Variants in GGA3 observed in about 807,000 individuals in gnomAD.
The protein encoded by GGA3 is ADP-ribosylation factor-binding protein GGA3.
GGA3 carries 57 observed loss-of-function variants against 77.5 expected under a neutral mutation model. The observed-to-expected ratio is 0.74, with a 90% CI of 0.59 to 0.92. GGA3 has a LOEUF of 0.92. Among genes scored for constraint, GGA3 ranks in the 40% least tolerant of loss-of-function variants. The probability of loss-of-function intolerance (pLI) is 0.00; values close to 1 mark genes in which losing one functional copy is unlikely to be tolerated. For missense variants in GGA3, 970 were observed against 914.9 expected, an observed-to-expected ratio of 1.06 and a Z score of -0.78; for synonymous variants, 416 against 383.7, an observed-to-expected ratio of 1.08 and a Z score of -0.98.
chr17:75,261,611 CT>C, upstream of GGA3: 1 of 1,535,756 alleles, frequency 6.5e-7, no homozygotes, highest in Non-Finnish European at 8.8e-7. Flanking sequence ...GGCCCCGCGG[CT>C]TCAAAACTCG....
intron 5 of GGA3, 89 bp downstream of exon 5, chr17:75,243,358 G>C: frequency 6.6e-7 from 1 of 1,512,932 alleles, no homozygotes; most frequent in Non-Finnish European, 9.1e-7. Flanking sequence ...CTTCAGGAGG[G>C]ACTCTGGGGA....
chr17:75,246,448 G>T, intron 3 of GGA3, 61 bp downstream of exon 3: 1 of 1,105,626 alleles, frequency 9.0e-7, no homozygotes, highest in Non-Finnish European at 1.4e-6. Context: ...ATGGGGACAC[G>T]AGGAATGGCG....
chr17:75,240,661 G>A lies in GGA3; in HGVS notation c.1192+151C>T. The stretch of plus-strand genomic sequence containing the variant: ...GGGAGGATGGCCCTGGGGCCCTCAG[G>A]GTCGCTGAACTTCACTGAGTACCTC... On this transcript the variant is annotated intron_variant, in intron 11 of 16. Coordinates refer to ENST00000537686, the MANE Select transcript of GGA3 (RefSeq NM_138619.4). 10 of 900,374 alleles carry A rather than the reference G, an allele frequency of 1.1e-5. No individual in the cohort carries two copies. The South Asian group carries it at 1.8e-4, about 16-fold the overall frequency. The allele number at this position is 900,374 out of a possible 1,614,324, so 55.8% of individuals were successfully genotyped here. A position where few individuals can be genotyped will look rare whatever the true frequency, so the allele number is the denominator to read the frequency against.
At position 75,261,570 on chromosome 17, in the gene GGA3, C is replaced by T. The variant is rs779357581; in HGVS notation, c.18G>A (p.Gly6=). MAEAE[G]ESLESWLNKA... is the part of the protein sequence containing the mutation. ...CACTGAGCCAGGACTCCAGGCTTTCCCCTTCCGCCTCCGCCATATTGCAGC... is the reference window on the plus strand; with the variant it reads ...CACTGAGCCAGGACTCCAGGCTTTCTCCTTCCGCCTCCGCCATATTGCAGC... The change falls in exon 1 of 17, where the codon GGG becomes GGA. Residue 6 remains glycine, a synonymous_variant. Coordinates refer to ENST00000537686, the MANE Select transcript of GGA3 (RefSeq NM_138619.4). The T allele has an allele frequency of 6.4e-7, 1 of 1,555,944 alleles. No homozygotes were observed. The highest frequency in any genetic ancestry group is 8.7e-7 in the Non-Finnish European group (1 of 1,153,128).
intron 1 of GGA3, among the ~76,000 whole-genome samples, chr17:75,259,982 T>A (rs959926922): frequency 6.6e-6 from 1 of 152,108 alleles, no homozygotes; most frequent in African/African-American, 2.4e-5. Context: ...ACCTCATCTC[T>A]ACTAAAAATC....
chr17:75,239,399 C>A lies in GGA3; in HGVS notation c.1756G>T (p.Val586Leu). 6.4e-7 allele frequency: 1 copy of A among 1,558,532 alleles called. No individual in the cohort carries two copies. Among genetic ancestry groups the A allele is most frequent in the Non-Finnish European group, 8.6e-7 (1 of 1,159,092 alleles). The change falls in exon 14 of 17, where the codon GTG (valine) becomes TTG (leucine). Residue 586 changes from valine to leucine, a missense_variant. Val to Leu is a conservative substitution (Grantham distance 32). Transcript: ENST00000537686. The stretch of plus-strand genomic sequence containing the variant: ...CTAGGCTTGATCGATTCCAGGGGCA[C>A]GTGGATGCTGGCCAGGGAGAGCTCA... The part of the protein sequence containing the change: ...GPELSLASIH[V>L]PLESIKPSSA...
chr17:75,262,013 G>T, upstream of GGA3: 2 of 1,599,992 alleles, frequency 1.3e-6, no homozygotes, highest in Non-Finnish European at 1.7e-6. Flanking sequence ...CGGCGGGGGG[G>T]CGCTGCGAGG....
At position 75,246,808 on chromosome 17, in the gene GGA3, A is replaced by G; in HGVS notation, c.41-12T>C. 1.2e-6 allele frequency: 2 copies of G among 1,604,960 alleles called. No homozygotes were observed. The highest frequency in any genetic ancestry group is 1.7e-6 in the Non-Finnish European group (2 of 1,174,952). ...ATTGGTGGCTTTATCTTGCAACACA[A>G]CAAAGAAGAGGACAAGTGTTAGGAA... is the stretch of plus-strand genomic sequence containing the variant. On this transcript the variant is annotated splice_polypyrimidine_tract_variant and intron_variant, in intron 1 of 16. Coordinates refer to ENST00000537686, the MANE Select transcript of GGA3 (RefSeq NM_138619.4).
intron 2 of GGA3, 52 bp downstream of exon 2, chr17:75,246,651 CATGGTTGTT>C: frequency 6.3e-7 from 1 of 1,594,008 alleles, no homozygotes; most frequent in Middle Eastern, 1.7e-4. Context: ...CCTCCTTGGC[CATGGTTGTT>C]CCCCTTCCCA....
intron 1 of GGA3, among the ~76,000 whole-genome samples, chr17:75,256,062 C>T (rs965653245): frequency 1.3e-5 from 2 of 152,120 alleles, no homozygotes; most frequent in African/African-American, 4.8e-5. Flanking sequence ...GATTAATCTC[C>T]CAAACCTCAA....
Position 75,242,519 on chromosome 17 carries a change from G to A in GGA3, c.610-46C>T, listed in dbSNP as rs200970560. 120 of 1,610,312 alleles carry A rather than the reference G, an allele frequency of 7.5e-5. 1 individual carries two copies. The African/African-American group carries it at 1.5e-3, about 20-fold the overall frequency. On this transcript the variant is annotated intron_variant, in intron 7 of 16. Transcript: ENST00000537686. Reference sequence around the variant, plus strand: ...AAGAGAAAGAGAGCGTCACTTGACTGTCTTTCCACTTCCACCAGGTCACAC... The same window carrying A: ...AAGAGAAAGAGAGCGTCACTTGACTATCTTTCCACTTCCACCAGGTCACAC...
upstream of GGA3, chr17:75,261,636 G>A: frequency 6.7e-7 from 1 of 1,483,728 alleles, no homozygotes; most frequent in South Asian, 1.3e-5. Context: ...GAGTCTGCAC[G>A]AGCTGAGACG....
In GGA3 at chr17:75,239,309, G is replaced by C. The variant is rs73998420; in HGVS notation, c.1780+66C>G. The C allele has an allele frequency of 1.1e-3, 1,527 of 1,345,220 alleles. 12 individuals are homozygous for C. The African/African-American group carries it at 0.018, about 16-fold the overall frequency. 83.3% of individuals were successfully genotyped at this position (1,345,220 alleles called of 1,614,324 possible). ...AAGAGTGCCTGGATCCATCCCTGTC[G>C]CATGTCCTACAGCTCCGTGGCTATA... On this transcript the variant is annotated intron_variant, in intron 14 of 16. Transcript: ENST00000537686.
At chr17:75,254,217 T>C (rs2077065397) in intron 1 of GGA3, among the ~76,000 whole-genome samples, 1 of 152,044 alleles carries the variant, frequency 6.6e-6, no homozygotes, top group Non-Finnish European at 1.5e-5. Flanking sequence ...ACCTTTCCCC[T>C]TCTCCTCAGG....
intron 10 of GGA3, 28 bp from the exon 11 acceptor site, chr17:75,241,085 A>G: frequency 6.2e-7 from 1 of 1,613,752 alleles, no homozygotes; most frequent in Non-Finnish European, 8.5e-7. Context: ...GCAGAACAGG[A>G]ATAATTAGGG....
intron 3 of GGA3, among the ~76,000 whole-genome samples, chr17:75,245,491 G>T (rs191995017): frequency 1.3e-5 from 2 of 152,258 alleles, no homozygotes; most frequent in East Asian, 3.9e-4. Flanking sequence ...ATGTTCCCTG[G>T]AGGGCCCTGT....
chr17:75,244,808 G>A (rs2076699144), intron 3 of GGA3, 91 bp from the exon 4 acceptor site: 2 of 797,884 alleles, frequency 2.5e-6, no homozygotes, highest in African/African-American at 1.7e-5. Flanking sequence ...AGAGAGTACT[G>A]AATAAACACG....
intron 1 of GGA3, among the ~76,000 whole-genome samples, chr17:75,253,215 T>G (rs570036775): frequency 6.6e-6 from 1 of 152,326 alleles, no homozygotes; most frequent in East Asian, 1.9e-4. Flanking sequence ...CGGCCTCTTC[T>G]TACTCTCTTC....
intron 11 of GGA3, 105 bp downstream of exon 11, chr17:75,240,707 A>C: frequency 7.8e-7 from 1 of 1,285,338 alleles, no homozygotes; most frequent in Non-Finnish European, 1.0e-6. Flanking sequence ...TTCTTTGCCC[A>C]CCCCAACAGT....
Sources: gnomAD v4.1 joint callset for allele counts (sites outside exome capture counted in the v4.1 genomes callset) on GRCh38, gnomAD v4.1.1 for gene constraint, MANE v1.5 for transcripts, NCBI Gene and HGNC (gene_info 2026-07-23, HGNC 2026-07-21) for gene names.